NNT: variants seen among roughly 807,000 people sequenced by gnomAD.
NNT encodes the protein NAD(P) transhydrogenase, mitochondrial.
A neutral mutation model predicts 104.8 loss-of-function variants in NNT; 50 were observed. That is an observed-to-expected ratio of 0.48 (90% CI 0.38 to 0.60). The LOEUF is 0.60. NNT is among the 20% of genes least tolerant of loss of function. NNT has a pLI of 0.00. For missense variants in NNT, 1,131 were observed against 1,330.7 expected (o/e 0.85, Z 2.33); for synonymous variants, 461 against 490.4 (o/e 0.94, Z 0.79).
intron 19 of NNT, among the ~76,000 whole-genome samples, chr5:43,687,610 A>T (rs981782555): frequency 2.6e-5 from 4 of 152,202 alleles, no homozygotes; most frequent in Admixed American, 6.5e-5. Flanking sequence ...AAACATTGGC[A>T]TTCTCTTGTA....
intron 5 of NNT, among the ~76,000 whole-genome samples, chr5:43,621,418 G>A (rs1357638736): frequency 1.3e-5 from 2 of 152,124 alleles, no homozygotes; most frequent in Non-Finnish European, 2.9e-5. Flanking sequence ...TGATATGCGA[G>A]GCATTGTTCT....
chr5:43,675,512 C>G lies in NNT; in HGVS notation c.2636C>G (p.Ala879Gly). 6.2e-7 allele frequency: 1 copy of G among 1,607,314 alleles called. No individual in the cohort carries two copies. Among genetic ancestry groups the G allele is most frequent in the Non-Finnish European group, 8.5e-7 (1 of 1,177,688 alleles). ...ACAGCTGATAATTTGGCTTTCTAGG[C>G]AATGAATCGCTCCCTGGCTAATGTG... ...GAILSYIMCV[A>G]MNRSLANVIL... Residue 879 changes from alanine to glycine, a missense_variant and splice_region_variant, in exon 18 of 22, where the codon GCA (alanine) becomes GGA (glycine). Transcript: ENST00000344920.
chr5:43,642,542 G>A (rs185754998), intron 7 of NNT, among the ~76,000 whole-genome samples: 8 of 152,246 alleles, frequency 5.3e-5, no homozygotes, highest in Admixed American at 4.6e-4. Flanking sequence ...CTTGATTCTT[G>A]CTCTTTCTTG....
At chr5:43,650,726 T>A in intron 12 of NNT, 139 bp downstream of exon 12, 1 of 596,236 alleles carries the variant, frequency 1.7e-6, no homozygotes, top group Non-Finnish European at 2.8e-6. Context: ...GCAGGAAAAT[T>A]AGTTATTTTG....
At chr5:43,702,175 T>G (rs1171570387) in intron 20 of NNT, among the ~76,000 whole-genome samples, 1 of 152,182 alleles carries the variant, frequency 6.6e-6, no homozygotes, top group Non-Finnish European at 1.5e-5. Flanking sequence ...TAGTCATAAA[T>G]TTTTCACAAG....
intron 13 of NNT, among the ~76,000 whole-genome samples, 166 bp from the exon 14 acceptor site, chr5:43,652,852 T>C (rs930729173): frequency 2.6e-5 from 4 of 152,194 alleles, no homozygotes; most frequent in African/African-American, 9.7e-5. Flanking sequence ...TATTTGTGCA[T>C]GATAGCAAAT....
At position 43,657,210 on chromosome 5, in the gene NNT, C is replaced by G. The variant is rs576694541; in HGVS notation, c.2454+397C>G. On this transcript the variant is annotated intron_variant, in intron 16 of 21. Coordinates refer to ENST00000344920, the MANE Select transcript of NNT (RefSeq NM_182977.3). ...TAAGATAGTCTCTGCCCACCAGTTG[C>G]TCTTACATCATTGGAAGATATGACA... Among the ~76,000 whole-genome samples the G allele has an allele frequency of 5.3e-5, 8 of 152,176 alleles. No individual in the cohort carries two copies. In the South Asian group the frequency reaches 6.2e-4, roughly 12 times the overall value.
At chr5:43,648,602 C>T (rs1739582591) in intron 10 of NNT, among the ~76,000 whole-genome samples, 1 of 152,112 alleles carries the variant, frequency 6.6e-6, no homozygotes, top group Non-Finnish European at 1.5e-5. Context: ...AAATTTGTGT[C>T]CCGGGTGGGT....
chr5:43,666,643 T>C, intron 17 of NNT: 1 of 558,802 alleles, frequency 1.8e-6, no homozygotes, highest in East Asian at 2.8e-5. Context: ...ATTTTTTTTT[T>C]TCCTGCCTCA....
intron 17 of NNT, chr5:43,667,117 A>G: frequency 6.6e-7 from 1 of 1,515,152 alleles, no homozygotes; most frequent in Non-Finnish European, 9.0e-7. Context: ...GTTCCTCAGG[A>G]ACTTGGGGTC....
intron 14 of NNT, 146 bp downstream of exon 14, chr5:43,653,359 G>A (rs1739866874): frequency 8.3e-6 from 6 of 722,902 alleles, no homozygotes; most frequent in South Asian, 2.2e-5. Context: ...TCCAGTTGGT[G>A]TAATTCTCAT....
intron 2 of NNT, 36 bp from the exon 3 acceptor site, chr5:43,612,872 C>G: frequency 7.3e-7 from 1 of 1,372,184 alleles, no homozygotes. Flanking sequence ...GTTTTTTTAC[C>G]AAATATATAT....
intron 7 of NNT, among the ~76,000 whole-genome samples, chr5:43,640,252 C>T (rs1751158227): frequency 6.6e-6 from 1 of 152,116 alleles, no homozygotes; most frequent in African/African-American, 2.4e-5. Flanking sequence ...TGGATATATT[C>T]ATTTCCATGT....
At chr5:43,643,062 C>G (rs1751320769) in intron 7 of NNT, among the ~76,000 whole-genome samples, 1 of 152,108 alleles carries the variant, frequency 6.6e-6, no homozygotes. Flanking sequence ...GTGGTTAGGA[C>G]TATAGGCATG....
At chr5:43,678,967 A>T (rs974332646) in intron 19 of NNT, among the ~76,000 whole-genome samples, 1 of 152,222 alleles carries the variant, frequency 6.6e-6, no homozygotes, top group African/African-American at 2.4e-5. Context: ...TCAAATATAT[A>T]GAATCAAAAT....
At chr5:43,609,060 A>C (rs1749366447) in intron 1 of NNT, 83 bp from the exon 2 acceptor site, 5 of 624,120 alleles carry the variant, frequency 8.0e-6, no homozygotes, top group Non-Finnish European at 1.4e-5. Flanking sequence ...TCTTTAGATT[A>C]GTATTTTTAA....
At chr5:43,636,546 T>C (rs1685953056) in intron 7 of NNT, among the ~76,000 whole-genome samples, 1 of 152,208 alleles carries the variant, frequency 6.6e-6, no homozygotes, top group African/African-American at 2.4e-5. Flanking sequence ...TGTTTCTATT[T>C]TTTAAAACAC....
chr5:43,651,395 G>T lies in NNT; in HGVS notation c.1718-344G>T, dbSNP rs182010864. ...AGTTCGAGACCAGCCTGGCCAACAC[G>T]ATGAAACCCCCCTCTCTACTAAAAA... On this transcript the variant is annotated intron_variant, in intron 12 of 21. Coordinates refer to ENST00000344920, the MANE Select transcript of NNT (RefSeq NM_182977.3). 5.2e-3 allele frequency among the ~76,000 whole-genome samples: 789 copies of T among 151,808 alleles called. 6 individuals carry two copies. Among genetic ancestry groups the T allele is most frequent in the South Asian group, 0.02 (98 of 4,802 alleles).
At chr5:43,605,866 A>G (rs1445959927) in intron 1 of NNT, among the ~76,000 whole-genome samples, 8 of 152,166 alleles carry the variant, frequency 5.3e-5, no homozygotes, top group African/African-American at 9.7e-5. Flanking sequence ...AAATGGGCCT[A>G]TGAAGGCTTT....
Sources: allele counts gnomAD v4.1 joint callset (sites outside exome capture counted in the v4.1 genomes callset), GRCh38; gene constraint gnomAD v4.1.1; transcripts MANE v1.5; gene names NCBI Gene and HGNC (gene_info 2026-07-23, HGNC 2026-07-21).